Variants in DOCK2 observed in about 807,000 individuals in gnomAD.
DOCK2 encodes the protein dedicator of cytokinesis protein 2.
In DOCK2, 87 loss-of-function variants were observed where a neutral mutation model predicts 248.9. The observed-to-expected ratio is 0.35, with a 90% confidence interval of 0.29 to 0.42. The LOEUF (loss-of-function observed/expected upper bound fraction) is 0.42. Ranked by LOEUF, DOCK2 falls within the 10% of genes least tolerant of loss-of-function variation. The pLI is 1.00. For synonymous variants in DOCK2, 805 were observed against 821.6 expected, an observed-to-expected ratio of 0.98 and a Z score of 0.35; for missense variants, 1,747 against 2,300.2, an observed-to-expected ratio of 0.76 and a Z score of 4.92.
intron 25 of DOCK2, among the ~76,000 whole-genome samples, chr5:169,800,940 C>CTT (rs1411340779): frequency 4.7e-5 from 3 of 63,450 alleles, no homozygotes; most frequent in African/African-American, 2.2e-4. Flanking sequence ...TCTTTTCTTT[C>CTT]TTTCTTTTTT....
intron 9 of DOCK2, among the ~76,000 whole-genome samples, chr5:169,695,544 C>T (rs1187005809): frequency 2.0e-5 from 3 of 152,174 alleles, no homozygotes; most frequent in Admixed American, 2.0e-4. Context: ...TTCTCTTGCC[C>T]TATCATTTTG....
chr5:169,900,184 G>A (rs367793478), intron 27 of DOCK2, among the ~76,000 whole-genome samples: 1 of 152,146 alleles, frequency 6.6e-6, no homozygotes, highest in Non-Finnish European at 1.5e-5. Flanking sequence ...TAGGCAGCAC[G>A]GTAAGACGCA....
In DOCK2 at chr5:170,081,878, A is replaced by G. The variant is rs58570833; in HGVS notation, c.5324A>G (p.Asp1775Gly). The change falls in exon 51 of 52, where the codon GAT becomes GGT. Residue 1775 changes from aspartate to glycine, a missense_variant. By Grantham distance (94) the Asp-to-Gly change is moderately conservative (BLOSUM62 -1). Transcript: ENST00000520908. ...TCAGTGGCAGGCATCCCTGGGTTGGATGAGGCCAACACATCTCCCCGCCTC... is the reference window on the plus strand; with the variant it reads ...TCAGTGGCAGGCATCCCTGGGTTGGGTGAGGCCAACACATCTCCCCGCCTC... ...ALSVAGIPGL[D>G]EANTSPRLSQ... 118 of 1,612,778 alleles carry G rather than the reference A, an allele frequency of 7.3e-5. No individual in the cohort carries two copies. In the African/African-American group the frequency reaches 1.4e-3, roughly 19 times the overall value.
chr5:169,788,368 A>C (rs560390410), intron 25 of DOCK2, among the ~76,000 whole-genome samples: 7 of 152,294 alleles, frequency 4.6e-5, no homozygotes, highest in African/African-American at 1.7e-4. Flanking sequence ...GTTTCACAAG[A>C]GCACTAAACA....
Position 169,901,011 on chromosome 5 carries a change from C to A in DOCK2, c.2799+60159C>A, listed in dbSNP as rs188458549. Among the ~76,000 whole-genome samples, 6 of 152,250 alleles carry A rather than the reference C, an allele frequency of 3.9e-5. No homozygotes were observed. The East Asian group carries it at 1.2e-3, about 29-fold the overall frequency. On this transcript the variant is annotated intron_variant, in intron 27 of 51. Transcript: ENST00000520908. Reference sequence around the variant, plus strand: ...GTAGGAAAGGCTGATATTAAGTGAACAAACATCCAAGTAAACATGGATTTA... The same window carrying A: ...GTAGGAAAGGCTGATATTAAGTGAAAAAACATCCAAGTAAACATGGATTTA...
chr5:169,729,450 AGTCTC>A (rs1762651062), intron 22 of DOCK2, among the ~76,000 whole-genome samples: 1 of 152,192 alleles, frequency 6.6e-6, no homozygotes, highest in African/African-American at 2.4e-5. Flanking sequence ...CTGTCCTTCA[AGTCTC>A]TAAACTGGCC....
rs10684419 is a variant in DOCK2 at position 169,840,585 on chromosome 5, C to CGATGATGAT, written c.2704-140_2704-132dup. 9.6e-3 allele frequency among the ~76,000 whole-genome samples: 1,428 copies of CGATGATGAT among 148,182 alleles called. 27 individuals carry two copies. Among genetic ancestry groups the CGATGATGAT allele is most frequent in the African/African-American group, 0.027 (1,060 of 39,724 alleles). Reference sequence around the variant, plus strand: ...GGTGGTAATGACGATGGAGATATGGCGATGATGATGATGATGATGATGATG... The same window carrying CGATGATGAT: ...GGTGGTAATGACGATGGAGATATGGCGATGATGATGATGATGATGATGATGATGATGATG... On this transcript the variant is annotated intron_variant, in intron 26 of 51. Coordinates refer to ENST00000520908, the MANE Select transcript of DOCK2 (RefSeq NM_004946.3).
intron 40 of DOCK2, among the ~76,000 whole-genome samples, chr5:170,048,429 A>G (rs1485090740): frequency 1.3e-5 from 2 of 152,172 alleles, no homozygotes; most frequent in Admixed American, 1.3e-4. Context: ...TAAAAATAGC[A>G]CTAATAAACC....
chr5:169,935,002 A>G, intron 27 of DOCK2: 1 of 264,102 alleles, frequency 3.8e-6, no homozygotes, highest in Non-Finnish European at 7.5e-6. Context: ...CAACATACTG[A>G]CTGCAGCCAT....
intron 44 of DOCK2, among the ~76,000 whole-genome samples, chr5:170,058,683 T>C (rs1667159344): frequency 6.6e-6 from 1 of 152,152 alleles, no homozygotes; most frequent in African/African-American, 2.4e-5. Context: ...TACCAGATCA[T>C]GTAGGACCTT....
chr5:169,731,229 G>A (rs1009038680), intron 22 of DOCK2, among the ~76,000 whole-genome samples: 5 of 152,130 alleles, frequency 3.3e-5, no homozygotes, highest in Non-Finnish European at 7.3e-5. Context: ...GTTTGGCTGT[G>A]TCCACACCCA....
chr5:170,082,911 G>C lies in DOCK2; in HGVS notation c.*53G>C. On this transcript the variant is annotated 3_prime_UTR_variant, in exon 52 of 52. Transcript: ENST00000520908. The stretch of plus-strand genomic sequence containing the variant: ...GAGCCAGGGAGGGGAGTTTCTGGAA[G>C]AGGAAAGCCATGCGTGGAACATCGA... 3 of 1,611,882 alleles carry C rather than the reference G, an allele frequency of 1.9e-6. No homozygotes were observed. The highest frequency in any genetic ancestry group is 2.2e-5 in the East Asian group (1 of 44,862).
chr5:170,072,610 A>T (rs1757717655), intron 46 of DOCK2, among the ~76,000 whole-genome samples: 1 of 152,188 alleles, frequency 6.6e-6, no homozygotes, highest in South Asian at 2.1e-4. Context: ...GCAGTTTTTC[A>T]AAGTGGCTAA....
In DOCK2 at chr5:170,041,043, T is replaced by C. The variant is rs1482187073; in HGVS notation, c.3666-12T>C. On this transcript the variant is annotated splice_polypyrimidine_tract_variant and intron_variant, in intron 36 of 51. Transcript: ENST00000520908. The stretch of plus-strand genomic sequence containing the variant: ...GCACCTGGTAGCTTACTGCATATTT[T>C]CCCTCAAACAGGTACCTGTACAAAC... 1.9e-6 allele frequency: 3 copies of C among 1,613,024 alleles called. No homozygotes were observed. Among genetic ancestry groups the C allele is most frequent in the Admixed American group, 1.7e-5 (1 of 59,994 alleles).
chr5:169,658,479 CAAAA>C lies in DOCK2; in HGVS notation c.127+4012_127+4015del, dbSNP rs5873187. Among the ~76,000 whole-genome samples, 62 of 76,036 alleles carry C rather than the reference CAAAA, an allele frequency of 8.2e-4. 1 individual carries two copies. In the South Asian group the frequency reaches 0.03, roughly 37 times the overall value. The allele number at this position is 76,036 out of a possible 152,430, so 49.9% of individuals were successfully genotyped here. On this transcript the variant is annotated intron_variant, in intron 2 of 51. Coordinates refer to ENST00000520908, the MANE Select transcript of DOCK2 (RefSeq NM_004946.3). ...TGGGAGACAGAGCAAGCCTCCGTCT[CAAAA>C]AAAAAAAAAAAAAAAAAATGTATTT...
At chr5:169,904,522 G>A (rs1774159673) in intron 27 of DOCK2, among the ~76,000 whole-genome samples, 1 of 152,046 alleles carries the variant, frequency 6.6e-6, no homozygotes, top group East Asian at 1.9e-4. Flanking sequence ...GAGGGAGTGA[G>A]GTGGGAAGGG....
At chr5:169,904,951 T>A (rs1433586838) in intron 27 of DOCK2, among the ~76,000 whole-genome samples, 1 of 152,148 alleles carries the variant, frequency 6.6e-6, no homozygotes, top group Non-Finnish European at 1.5e-5. Context: ...ATCCCAGCTC[T>A]GCCACTCCCT....
chr5:169,955,684 A>G (rs531403193), intron 27 of DOCK2, among the ~76,000 whole-genome samples: 155 of 152,316 alleles, frequency 1.0e-3, no homozygotes, highest in African/African-American at 3.7e-3. Context: ...CAGCCTAGCC[A>G]CTATATAGCT....
At chr5:169,852,073 C>G (rs182789115) in intron 27 of DOCK2, among the ~76,000 whole-genome samples, 1 of 151,766 alleles carries the variant, frequency 6.6e-6, no homozygotes, top group South Asian at 2.1e-4. Context: ...GCTGTCAGCA[C>G]AGAGAGAGAG....
Sources: allele counts gnomAD v4.1 joint callset (sites outside exome capture counted in the v4.1 genomes callset), GRCh38; gene constraint gnomAD v4.1.1; transcripts MANE v1.5; gene names NCBI Gene and HGNC (gene_info 2026-07-23, HGNC 2026-07-21).